The following NINL variants were observed in gnomAD, a reference collection of about 807,000 sequenced individuals.
The protein encoded by NINL is ninein like, also known as ninein-like protein.
NINL carries 153 observed loss-of-function variants against 160.3 expected under a neutral mutation model. That is an observed-to-expected ratio of 0.95 (90% CI 0.84 to 1.09). NINL has a LOEUF of 1.09. Among genes scored for constraint, NINL ranks in the 50% least tolerant of loss-of-function variants. The probability of loss-of-function intolerance (pLI) is 0.00; values close to 1 mark genes in which losing one functional copy is unlikely to be tolerated. For synonymous variants in NINL, 800 were observed against 734.8 expected (o/e 1.09, Z -1.43); for missense variants, 1,829 against 1,764.0 (o/e 1.04, Z -0.66).
At chr20:25,490,822 A>T (rs2063615508) in intron 11 of NINL, among the ~76,000 whole-genome samples, 1 of 152,052 alleles carries the variant, frequency 6.6e-6, no homozygotes, top group East Asian at 1.9e-4. Context: ...GTGGGGAGTT[A>T]GGAGAGGAGG....
chr20:25,478,962 C>T lies in NINL; in HGVS notation c.2162G>A (p.Gly721Asp), dbSNP rs1555850632. ...LAPCCTQALC[G>D]LALRHHSHLQ... ...GTGGCTGTGATGCCGCAGGGCCAGG[C>T]CACACAGTGCCTGGGTGCAGCAGGG... Residue 721 changes from glycine (G) to aspartate (D), a missense_variant, in exon 16 of 24, where the codon GGC (glycine) becomes GAC (aspartate). By Grantham distance (94) the Gly-to-Asp change is moderately conservative. Transcript: ENST00000278886. The T allele has an allele frequency of 6.3e-7, 1 of 1,586,604 alleles. No homozygotes were observed. Among genetic ancestry groups the T allele is most frequent in the Non-Finnish European group, 8.6e-7 (1 of 1,166,980 alleles).
At chr20:25,453,691 C>T (rs749923921) in intron 23 of NINL, 49 bp from the exon 24 acceptor site, 3 of 1,506,216 alleles carry the variant, frequency 2.0e-6, no homozygotes, top group Non-Finnish European at 2.7e-6. Context: ...TGGAGAAACG[C>T]TACAGATCAG....
At chr20:25,521,564 T>C (rs1046743743) in intron 2 of NINL, among the ~76,000 whole-genome samples, 2 of 152,240 alleles carry the variant, frequency 1.3e-5, no homozygotes, top group Non-Finnish European at 2.9e-5. Flanking sequence ...GGCACTTTTA[T>C]TGTTTGCTTT....
At chr20:25,495,887 C>T (rs1308478380) in intron 10 of NINL, among the ~76,000 whole-genome samples, 1 of 152,324 alleles carries the variant, frequency 6.6e-6, no homozygotes, top group Non-Finnish European at 1.5e-5. Flanking sequence ...TGGCTCACAC[C>T]TGTATTCCCA....
At chr20:25,504,153 A>C in intron 6 of NINL, 49 bp from the exon 7 acceptor site, 2 of 1,521,586 alleles carry the variant, frequency 1.3e-6, no homozygotes, top group Non-Finnish European at 1.8e-6. Flanking sequence ...AGCTCCACCC[A>C]ACCGCCCTCA....
chr20:25,492,993 C>T (rs1336629310), intron 10 of NINL, among the ~76,000 whole-genome samples: 2 of 152,168 alleles, frequency 1.3e-5, no homozygotes, highest in African/African-American at 4.8e-5. Context: ...GGACAAAACC[C>T]AAGCTCTCAG....
intron 1 of NINL, among the ~76,000 whole-genome samples, chr20:25,528,102 T>C (rs2064389995): frequency 1.3e-5 from 2 of 152,190 alleles, no homozygotes; most frequent in Non-Finnish European, 2.9e-5. Flanking sequence ...CAATCATAGC[T>C]CACTGTAACC....
chr20:25,467,295 A>G (rs404148), intron 19 of NINL, 94 bp downstream of exon 19: 653,093 of 1,118,202 alleles, frequency 0.58, 199,186 homozygotes, highest in East Asian at 1. Context: ...TTAGAAGAAT[A>G]TTCTCTACTT....
At chr20:25,477,577 G>A (rs2063289996) in intron 16 of NINL, among the ~76,000 whole-genome samples, 1 of 152,262 alleles carries the variant, frequency 6.6e-6, no homozygotes, top group Non-Finnish European at 1.5e-5. Flanking sequence ...TCCAGTGGAA[G>A]TGAAGTGAGA....
chr20:25,559,035 A>G (rs2064901960), intron 1 of NINL, among the ~76,000 whole-genome samples: 2 of 152,228 alleles, frequency 1.3e-5, no homozygotes, highest in African/African-American at 4.8e-5. Context: ...TTTAGTTTTC[A>G]GCAATTACCT....
chr20:25,466,426 T>C (rs570181368), intron 19 of NINL, among the ~76,000 whole-genome samples: 1 of 152,322 alleles, frequency 6.6e-6, no homozygotes, highest in East Asian at 1.9e-4. Flanking sequence ...GGATAACAGT[T>C]GCATTAATGT....
At chr20:25,492,800 A>G (rs2063669697) in intron 10 of NINL, among the ~76,000 whole-genome samples, 4 of 152,170 alleles carry the variant, frequency 2.6e-5, no homozygotes, top group Non-Finnish European at 5.9e-5. Flanking sequence ...TGAAAGATAT[A>G]TAGGCAATGT....
chr20:25,462,652 T>C, intron 19 of NINL, 111 bp from the exon 20 acceptor site: 1 of 889,298 alleles, frequency 1.1e-6, no homozygotes, highest in African/African-American at 1.7e-5. Context: ...ATTTGTTTTG[T>C]TTTGTTTTGT....
intron 23 of NINL, among the ~76,000 whole-genome samples, chr20:25,454,533 G>T (rs11699203): frequency 1.3e-5 from 2 of 152,006 alleles, no homozygotes; most frequent in African/African-American, 4.8e-5. Context: ...GCCCCAGGGA[G>T]GGACTGGGAA....
At chr20:25,577,334 G>A (rs1271944381) in intron 1 of NINL, among the ~76,000 whole-genome samples, 2 of 152,158 alleles carry the variant, frequency 1.3e-5, no homozygotes, top group African/African-American at 4.8e-5. Flanking sequence ...TTGGAGACCT[G>A]GCACGCTACC....
At chr20:25,522,948 T>C (rs956929433) in intron 2 of NINL, among the ~76,000 whole-genome samples, 3 of 152,172 alleles carry the variant, frequency 2.0e-5, no homozygotes, top group Non-Finnish European at 4.4e-5. Flanking sequence ...AAATTACAAT[T>C]GTCTCTCAGT....
chr20:25,524,799 C>T (rs949344921), intron 2 of NINL, among the ~76,000 whole-genome samples: 1 of 151,930 alleles, frequency 6.6e-6, no homozygotes, highest in African/African-American at 2.4e-5. Flanking sequence ...GCAATCTGAA[C>T]GTGGACCCAA....
At chr20:25,532,070 G>C (rs961898899) in intron 1 of NINL, among the ~76,000 whole-genome samples, 1 of 152,166 alleles carries the variant, frequency 6.6e-6, no homozygotes, top group Non-Finnish European at 1.5e-5. Context: ...GGCCAGGCCT[G>C]GCCCACGACA....
intron 1 of NINL, among the ~76,000 whole-genome samples, chr20:25,556,518 G>C (rs2064868480): frequency 6.6e-6 from 1 of 151,912 alleles, no homozygotes; most frequent in South Asian, 2.1e-4. Flanking sequence ...CCAGCTACTT[G>C]GGAGACTGAG....
Sources: allele counts gnomAD v4.1 joint callset (sites outside exome capture counted in the v4.1 genomes callset), GRCh38; gene constraint gnomAD v4.1.1; transcripts MANE v1.5; gene names NCBI Gene and HGNC (gene_info 2026-07-23, HGNC 2026-07-21).